Variants in ZBTB20 observed in about 807,000 individuals in gnomAD.
The protein encoded by ZBTB20 is zinc finger and BTB domain containing 20.
In ZBTB20, 9 loss-of-function variants were observed where a neutral mutation model predicts 56.9. The observed-to-expected ratio is 0.16, with a 90% CI of 0.10 to 0.28. ZBTB20 has a LOEUF of 0.28. Ranked by LOEUF, ZBTB20 falls within the 10% of genes least tolerant of loss-of-function variation. The pLI is 1.00. For synonymous variants in ZBTB20, 417 were observed against 420.7 expected, an observed-to-expected ratio of 0.99 and a Z score of 0.11; for missense variants, 655 against 1,003.0, an observed-to-expected ratio of 0.65 and a Z score of 4.69.
At position 115,132,785 on chromosome 3, in the gene ZBTB20, AC is replaced by A. The variant is rs113049332; in HGVS notation, c.-703+14433del. ...GTCTCAAAATAAAAGACAAAAAAAA[AC>A]CCCCAAAATTTAGAATACCTTTTGC... On this transcript the variant is annotated intron_variant, in intron 1 of 11. Coordinates refer to ENST00000675478, the MANE Select transcript of ZBTB20 (RefSeq NM_001348800.3). Among the ~76,000 whole-genome samples, 701 of 152,088 alleles carry A rather than the reference AC, an allele frequency of 4.6e-3. 7 individuals are homozygous for A. The highest frequency in any genetic ancestry group is 0.016 in the African/African-American group (647 of 41,518).
At chr3:114,973,679 A>G (rs1168122226) in intron 3 of ZBTB20, among the ~76,000 whole-genome samples, 1 of 152,116 alleles carries the variant, frequency 6.6e-6, no homozygotes, top group African/African-American at 2.4e-5. Context: ...TCCCCCTCCA[A>G]TGTAATCTGT....
chr3:114,962,231 A>AGGTAAGAGCCTAGTATATT (rs2077480677), intron 3 of ZBTB20, among the ~76,000 whole-genome samples: 1 of 152,156 alleles, frequency 6.6e-6, no homozygotes, highest in Non-Finnish European at 1.5e-5. Flanking sequence ...TGATAGCACT[A>AGGTAAGAGCCTAGTATATT]AAATCTAGGT....
At chr3:114,637,927 G>A (rs1270717679) in intron 6 of ZBTB20, among the ~76,000 whole-genome samples, 2 of 151,908 alleles carry the variant, frequency 1.3e-5, no homozygotes, top group Admixed American at 6.6e-5. Flanking sequence ...AGCCCACACT[G>A]TTTCCTTTTC....
At chr3:115,146,857 G>A (rs1352915201) in intron 1 of ZBTB20, among the ~76,000 whole-genome samples, 3 of 152,076 alleles carry the variant, frequency 2.0e-5, no homozygotes, top group East Asian at 3.9e-4. Context: ...GAAGGCAGAA[G>A]ACACGTTTCC....
intron 3 of ZBTB20, among the ~76,000 whole-genome samples, chr3:114,957,958 AAAATG>A (rs2077305840): frequency 6.6e-6 from 1 of 152,202 alleles, no homozygotes; most frequent in Non-Finnish European, 1.5e-5. Flanking sequence ...ATTCATTAGC[AAAATG>A]AAATGAAAAG....
chr3:114,465,711 A>T (rs2092520715), intron 7 of ZBTB20, among the ~76,000 whole-genome samples: 1 of 152,046 alleles, frequency 6.6e-6, no homozygotes, highest in Admixed American at 6.5e-5. Flanking sequence ...TGTCTTAAAA[A>T]AAAAAAAGAA....
At chr3:114,400,101 G>A (rs1044252486) in intron 7 of ZBTB20, among the ~76,000 whole-genome samples, 1 of 152,114 alleles carries the variant, frequency 6.6e-6, no homozygotes, top group African/African-American at 2.4e-5. Flanking sequence ...TTGTCAACAA[G>A]CTTTGTAGCA....
chr3:114,542,339 T>G (rs2049207265), intron 6 of ZBTB20, among the ~76,000 whole-genome samples: 1 of 152,170 alleles, frequency 6.6e-6, no homozygotes, highest in South Asian at 2.1e-4. Context: ...AAGTTATAAA[T>G]CATAAATATA....
At chr3:114,815,814 C>A (rs1449779236) in intron 4 of ZBTB20, among the ~76,000 whole-genome samples, 1 of 152,066 alleles carries the variant, frequency 6.6e-6, no homozygotes, top group African/African-American at 2.4e-5. Flanking sequence ...GAAGTAGCTT[C>A]TAGATGAACA....
chr3:114,638,841 A>C (rs2107895177), intron 6 of ZBTB20, among the ~76,000 whole-genome samples: 1 of 152,244 alleles, frequency 6.6e-6, no homozygotes, highest in South Asian at 2.1e-4. Flanking sequence ...ATTTTAAGAA[A>C]TAAGACAGTA....
At chr3:114,814,173 T>A (rs1000442273) in intron 4 of ZBTB20, among the ~76,000 whole-genome samples, 1 of 151,382 alleles carries the variant, frequency 6.6e-6, no homozygotes, top group Non-Finnish European at 1.5e-5. Context: ...TAAATGTAGG[T>A]CAAATTCTTG....
intron 3 of ZBTB20, among the ~76,000 whole-genome samples, chr3:114,916,460 T>C (rs1224141632): frequency 2.0e-5 from 3 of 152,150 alleles, no homozygotes; most frequent in African/African-American, 7.2e-5. Flanking sequence ...TACTATGTAA[T>C]AGTAATAATA....
chr3:115,035,283 C>T (rs1184049366), intron 2 of ZBTB20, among the ~76,000 whole-genome samples: 1 of 151,834 alleles, frequency 6.6e-6, no homozygotes, highest in African/African-American at 2.4e-5. Context: ...AAAGCCAAAC[C>T]ACTGAATAAG....
chr3:114,836,824 A>G (rs188617394), intron 4 of ZBTB20, among the ~76,000 whole-genome samples: 212 of 152,332 alleles, frequency 1.4e-3, no homozygotes, highest in Non-Finnish European at 2.5e-3. Context: ...AACAGAAGCT[A>G]GAATTCTTGA....
chr3:114,489,002 G>A (rs1407209833), intron 7 of ZBTB20, among the ~76,000 whole-genome samples: 1 of 152,054 alleles, frequency 6.6e-6, no homozygotes, highest in Non-Finnish European at 1.5e-5. Context: ...GAAAGACAAA[G>A]AGAAAGAAAA....
chr3:114,820,758 T>C (rs2073194024), intron 4 of ZBTB20, among the ~76,000 whole-genome samples: 1 of 152,074 alleles, frequency 6.6e-6, no homozygotes, highest in South Asian at 2.1e-4. Flanking sequence ...GACTTTTTTT[T>C]AGTGCTGAAG....
intron 7 of ZBTB20, among the ~76,000 whole-genome samples, chr3:114,499,042 A>T (rs1450552883): frequency 2.0e-5 from 3 of 152,230 alleles, no homozygotes. Context: ...TGCCAGTCAG[A>T]GGACTAGAAA....
chr3:115,098,711 T>G lies in ZBTB20; in HGVS notation c.-702-27297A>C, dbSNP rs140959659. ...CATCACCTTCCTGAAATAATGGATT[T>G]TTAATAAACATTTTACTAGGTTTGA... On this transcript the variant is annotated intron_variant, in intron 1 of 11. Coordinates refer to ENST00000675478, the MANE Select transcript of ZBTB20 (RefSeq NM_001348800.3). 3.9e-5 allele frequency among the ~76,000 whole-genome samples: 6 copies of G among 152,286 alleles called. No individual in the cohort carries two copies. The East Asian group carries it at 1.2e-3, about 29-fold the overall frequency.
chr3:114,389,480 TC>T (rs1433178337), intron 7 of ZBTB20, among the ~76,000 whole-genome samples: 3 of 152,056 alleles, frequency 2.0e-5, no homozygotes, highest in African/African-American at 7.2e-5. Flanking sequence ...CTTTTTTTTT[TC>T]ATTTATTATA....
Sources: allele counts gnomAD v4.1 joint callset (sites outside exome capture counted in the v4.1 genomes callset), GRCh38; gene constraint gnomAD v4.1.1; transcripts MANE v1.5; gene names NCBI Gene and HGNC (gene_info 2026-07-23, HGNC 2026-07-21).